SHPRH: variants seen among roughly 807,000 people sequenced by gnomAD.
SHPRH encodes the protein SNF2 histone linker PHD RING helicase.
Under a neutral mutation model 202.5 loss-of-function variants are expected in SHPRH, and 106 were observed. That is an observed-to-expected ratio of 0.52 (90% CI 0.45 to 0.62). The LOEUF is 0.62. Ranked by LOEUF, SHPRH falls within the 20% of genes least tolerant of loss-of-function variation. The probability of loss-of-function intolerance (pLI) is 0.00; values close to 1 mark genes in which losing one functional copy is unlikely to be tolerated. For missense variants in SHPRH, 1,710 were observed against 2,020.0 expected, an observed-to-expected ratio of 0.85 and a Z score of 2.94; for synonymous variants, 729 against 686.0, an observed-to-expected ratio of 1.06 and a Z score of -0.98.
At chr6:145,865,695 C>CA (rs1214229626) in intron 2 of SHPRH, among the ~76,000 whole-genome samples, 1 of 152,188 alleles carries the variant, frequency 6.6e-6, no homozygotes, top group Admixed American at 6.5e-5. Flanking sequence ...AGCTGTGCCT[C>CA]AGTATGGGCA....
chr6:145,912,323 T>C (rs1336674224), intron 24 of SHPRH, among the ~76,000 whole-genome samples: 1 of 152,098 alleles, frequency 6.6e-6, no homozygotes, highest in Non-Finnish European at 1.5e-5. Context: ...AAAAGTATTT[T>C]TATTACTATT....
At chr6:145,925,099 AT>A (rs932123831) in intron 16 of SHPRH, among the ~76,000 whole-genome samples, 300 of 148,046 alleles carry the variant, frequency 2.0e-3, no homozygotes, top group African/African-American at 5.3e-3. Flanking sequence ...TTCTTATTTA[AT>A]TTTTTTTTTT....
intron 25 of SHPRH, among the ~76,000 whole-genome samples, chr6:145,902,206 T>C (rs1175308945): frequency 6.6e-6 from 1 of 151,748 alleles, no homozygotes; most frequent in East Asian, 1.9e-4. Flanking sequence ...GAAAAAAGAG[T>C]AGAGACCCAC....
rs1365187300 is a variant in SHPRH, at chr6:145,916,422, A to G, written c.4254+1709T>C. On this transcript the variant is annotated intron_variant, in intron 23 of 29. Coordinates refer to ENST00000275233, the MANE Select transcript of SHPRH (RefSeq NM_001042683.3). Reference sequence around the variant, plus strand: ...AGATATTGTTAAAGTGCTTTTAAGAAAAGCTTATATAAATTTATATTTCCA... The same window carrying G: ...AGATATTGTTAAAGTGCTTTTAAGAGAAGCTTATATAAATTTATATTTCCA... Among the ~76,000 whole-genome samples the G allele has an allele frequency of 2.6e-5, 4 of 152,116 alleles. No individual in the cohort carries two copies. The South Asian group carries it at 8.3e-4, about 31-fold the overall frequency.
At chr6:145,933,004 A>G in intron 14 of SHPRH, 53 bp downstream of exon 14, 1 of 1,567,874 alleles carries the variant, frequency 6.4e-7, no homozygotes, top group Non-Finnish European at 8.7e-7. Flanking sequence ...TCTATAATTA[A>G]CCTTCCTCAG....
chr6:145,894,962 T>C lies in SHPRH; in HGVS notation c.4531A>G (p.Lys1511Glu), dbSNP rs1377159519. The change falls in exon 26 of 30, where the codon AAA (lysine) becomes GAA (glutamate). Residue 1511 changes from lysine (K) to glutamate (E), a missense_variant. Lys to Glu is a moderately conservative substitution (Grantham distance 56). This residue lies in a region of SHPRH where 306 missense variants were observed against 479.5 expected (regional missense o/e 0.64). Coordinates refer to ENST00000275233, the MANE Select transcript of SHPRH (RefSeq NM_001042683.3). ...DIPVKGSHST[K>E]VEAVVRTLMK... ...AGAGTTCTGACCACAGCTTCCACTT[T>C]TGTAGAATGGCTGCCCTTTGAACAC... is the stretch of plus-strand genomic sequence containing the variant. 1.2e-6 allele frequency: 2 copies of C among 1,613,034 alleles called. No individual in the cohort carries two copies. The highest frequency in any genetic ancestry group is 1.1e-5 in the South Asian group (1 of 91,044).
intron 2 of SHPRH, among the ~76,000 whole-genome samples, chr6:145,954,385 C>T (rs952283107): frequency 2.0e-5 from 3 of 151,902 alleles, no homozygotes; most frequent in Non-Finnish European, 4.4e-5. Flanking sequence ...GAGACAAAAT[C>T]GAAGCATTTG....
chr6:145,945,719 G>A (rs996824596), intron 7 of SHPRH, 82 bp from the exon 8 acceptor site: 1 of 1,382,146 alleles, frequency 7.2e-7, no homozygotes, highest in African/African-American at 1.5e-5. Context: ...TAATCTGCAT[G>A]AGGACTGAGT....
intron 24 of SHPRH, among the ~76,000 whole-genome samples, chr6:145,911,974 T>C (rs1458637831): frequency 1.3e-5 from 2 of 152,076 alleles, no homozygotes; most frequent in South Asian, 2.1e-4. Context: ...TTGTACTTTA[T>C]GTACCTCTAG....
At chr6:145,938,374 T>C (rs1786350298) in intron 11 of SHPRH, among the ~76,000 whole-genome samples, 1 of 152,162 alleles carries the variant, frequency 6.6e-6, no homozygotes, top group Non-Finnish European at 1.5e-5. Context: ...AATTGCGAGT[T>C]AAACAGACTT....
In SHPRH at chr6:145,933,056, C is replaced by G; in HGVS notation, c.3112+1G>C. ...TCAGAGATAAAGCAATCACCTTCTA[C>G]CTTTAATAATATGAATGCCTGCTAA... On this transcript the variant is annotated splice_donor_variant, in intron 14 of 29. Transcript: ENST00000275233. LOFTEE classifies it high-confidence loss of function. The G allele has an allele frequency of 6.2e-7, 1 of 1,613,370 alleles. No homozygotes were observed. Among genetic ancestry groups the G allele is most frequent in the Non-Finnish European group, 8.5e-7 (1 of 1,179,588 alleles).
At chr6:145,956,548 T>C (rs1284560610) in intron 1 of SHPRH, among the ~76,000 whole-genome samples, 1 of 151,938 alleles carries the variant, frequency 6.6e-6, no homozygotes, top group Non-Finnish European at 1.5e-5. Flanking sequence ...ATCTAAGTAA[T>C]GTAAGAAGCG....
chr6:145,936,882 T>C (rs554801487), intron 11 of SHPRH, among the ~76,000 whole-genome samples: 4 of 152,198 alleles, frequency 2.6e-5, no homozygotes, highest in Admixed American at 1.3e-4. Context: ...ATCAATTCAA[T>C]TGCTATATGT....
At chr6:145,916,250 T>C (rs1019353973) in intron 23 of SHPRH, among the ~76,000 whole-genome samples, 2 of 152,064 alleles carry the variant, frequency 1.3e-5, no homozygotes, top group Non-Finnish European at 2.9e-5. Context: ...CACATACAGG[T>C]TGAGCATTCC....
chr6:145,864,977 ACT>A (rs1779713496), intron 2 of SHPRH, among the ~76,000 whole-genome samples: 1 of 151,144 alleles, frequency 6.6e-6, no homozygotes, highest in Non-Finnish European at 1.5e-5. Context: ...ACACACACAC[ACT>A]TTGAGACCGT....
chr6:145,859,593 T>G (rs557747197), downstream of SHPRH, among the ~76,000 whole-genome samples: 1 of 152,074 alleles, frequency 6.6e-6, no homozygotes, highest in African/African-American at 2.4e-5. Context: ...AACAAAGAAA[T>G]AAAACAGCAA....
At position 145,943,226 on chromosome 6, in the gene SHPRH, G is replaced by C; in HGVS notation, c.2155C>G (p.Leu719Val). The C allele has an allele frequency of 1.9e-6, 3 of 1,613,894 alleles. No homozygotes were observed. Among genetic ancestry groups the C allele is most frequent in the Non-Finnish European group, 2.5e-6 (3 of 1,179,904 alleles). ...CAGATGGAACTTGGAGAGATGATCA[G>C]AGTTGCTCTTGTTGACACTGGTTCC... ...AMEPVSTRAT[L>V]IISPSSICHQ... Residue 719 changes from leucine (L) to valine (V), a missense_variant, in exon 9 of 30, where the codon CTG (leucine) becomes GTG (valine). Physicochemically the swap from Leu to Val is conservative, Grantham distance 32. Transcript: ENST00000275233.
Position 145,943,186 on chromosome 6 carries a change from T to C in SHPRH, c.2195A>G (p.Asp732Gly), listed in dbSNP as rs547603643. 6.2e-7 allele frequency: 1 copy of C among 1,612,468 alleles called. No individual in the cohort carries two copies. Among genetic ancestry groups the C allele is most frequent in the South Asian group, 1.1e-5 (1 of 90,824 alleles). Residue 732 changes from aspartate to glycine, a missense_variant, in exon 9 of 30, where the codon GAT becomes GGT. Physicochemically the swap from Asp to Gly is moderately conservative, Grantham distance 94. Coordinates refer to ENST00000275233, the MANE Select transcript of SHPRH (RefSeq NM_001042683.3). ...SPSSICHQWV[D>G]EINRHVRSSS... ...CGACCTCACATGCCTGTTGATCTCA[T>C]CCACCCACTGGTGACAGATGGAACT...
chr6:145,894,787 T>A (rs1388167367), intron 26 of SHPRH, 98 bp downstream of exon 26: 2 of 1,007,768 alleles, frequency 2.0e-6, no homozygotes, highest in Admixed American at 5.0e-5. Flanking sequence ...GGAAAAAAAA[T>A]CTAAGAGTAA....
Sources: allele counts gnomAD v4.1 joint callset (sites outside exome capture counted in the v4.1 genomes callset), GRCh38; gene constraint gnomAD v4.1.1; regional missense constraint gnomAD v4.1.1; transcripts MANE v1.5; gene names NCBI Gene and HGNC (gene_info 2026-07-23, HGNC 2026-07-21).